NEDD4L: variants seen among roughly 807,000 people sequenced by gnomAD.
NEDD4L encodes the protein NEDD4 like E3 ubiquitin protein ligase.
In NEDD4L, 54 loss-of-function variants were observed where a neutral mutation model predicts 148.9. That is an observed-to-expected ratio of 0.36 (90% CI 0.29 to 0.45). NEDD4L has a LOEUF of 0.45. Ranked by LOEUF, NEDD4L falls within the 20% of genes least tolerant of loss-of-function variation. NEDD4L has a pLI of 1.00. For synonymous variants in NEDD4L, 433 were observed against 440.7 expected, an observed-to-expected ratio of 0.98 and a Z score of 0.22; for missense variants, 856 against 1,233.8, an observed-to-expected ratio of 0.69 and a Z score of 4.59.
chr18:58,127,979 C>T (rs1374823693), intron 1 of NEDD4L, among the ~76,000 whole-genome samples: 1 of 151,896 alleles, frequency 6.6e-6, no homozygotes, highest in East Asian at 2.0e-4. Context: ...GATTCTTGTG[C>T]CTCAGCCCAG....
Position 58,073,217 on chromosome 18 carries a change from C to CT in NEDD4L, c.48+28519dup, listed in dbSNP as rs932657813. 4.5e-4 allele frequency among the ~76,000 whole-genome samples: 67 copies of CT among 148,506 alleles called. No individual in the cohort carries two copies. The East Asian group carries it at 5.3e-3, about 12-fold the overall frequency. ...GCAATACCTACAAAATCCCAGCTGGCTTTTTTTTTTCTCAGAAATTAACAA... is the reference window on the plus strand; with the variant it reads ...GCAATACCTACAAAATCCCAGCTGGCTTTTTTTTTTTCTCAGAAATTAACAA... On this transcript the variant is annotated intron_variant, in intron 1 of 30. Transcript: ENST00000400345.
At chr18:58,321,850 C>T (rs1484444928) in intron 6 of NEDD4L, among the ~76,000 whole-genome samples, 1 of 152,172 alleles carries the variant, frequency 6.6e-6, no homozygotes, top group Non-Finnish European at 1.5e-5. Context: ...CAAATGAACA[C>T]TGATTTCTTT....
Position 58,366,319 on chromosome 18 carries a change from G to A in NEDD4L, c.2063+91G>A, listed in dbSNP as rs188049149. On this transcript the variant is annotated intron_variant, in intron 21 of 30. Coordinates refer to ENST00000400345, the MANE Select transcript of NEDD4L (RefSeq NM_001144967.3). The surrounding 1 kb of genome is among the most constrained non-coding windows in gnomAD (Gnocchi z 4.2). The stretch of plus-strand genomic sequence containing the variant: ...GAAAGGATAAGCAGCTCATGAGTTC[G>A]AGATGCATTAACTCTGCTGAGTTTG... 2.1e-4 allele frequency: 190 copies of A among 897,690 alleles called. 1 individual carries two copies. The South Asian group carries it at 2.4e-3, about 11-fold the overall frequency. The allele number at this position is 897,690 out of a possible 1,614,324, so 55.6% of individuals were successfully genotyped here.
At chr18:58,375,010 T>C (rs1248609180) in intron 24 of NEDD4L, among the ~76,000 whole-genome samples, 1 of 152,152 alleles carries the variant, frequency 6.6e-6, no homozygotes, top group African/African-American at 2.4e-5. Context: ...CGGGTCCCAG[T>C]GCTAAAGCCA....
Position 58,391,521 on chromosome 18 carries a change from A to G in NEDD4L, c.2787A>G (p.Gln929=). ...SNGPQLFTIE[Q]WGSPEKLPRA... ...GTCCTCAGCTGTTTACAATAGAGCAATGGGGCAGTCCTGAGAAACTGCCCA... is the reference window on the plus strand; with the variant it reads ...GTCCTCAGCTGTTTACAATAGAGCAGTGGGGCAGTCCTGAGAAACTGCCCA... Residue 929 remains glutamine (Q), a synonymous_variant, in exon 30 of 31, where the codon CAA becomes CAG. Coordinates refer to ENST00000400345, the MANE Select transcript of NEDD4L (RefSeq NM_001144967.3). The G allele has an allele frequency of 3.8e-6, 6 of 1,583,740 alleles. No individual in the cohort carries two copies. Among genetic ancestry groups the G allele is most frequent in the South Asian group, 2.3e-5 (2 of 86,334 alleles).
intron 2 of NEDD4L, among the ~76,000 whole-genome samples, chr18:58,223,347 A>T (rs752535777): frequency 2.0e-4 from 31 of 152,218 alleles, no homozygotes; most frequent in Non-Finnish European, 3.7e-4. Flanking sequence ...TAATGAAAAG[A>T]TATAAAATGA....
At chr18:58,090,158 G>T (rs987468828) in intron 1 of NEDD4L, among the ~76,000 whole-genome samples, 1 of 151,994 alleles carries the variant, frequency 6.6e-6, no homozygotes, top group African/African-American at 2.4e-5. Flanking sequence ...TTTCTTAGAG[G>T]GTGGGCTTTA....
chr18:58,263,660 C>CTTTTTTTTTTTTTTTTTTTTT (rs71173041), intron 5 of NEDD4L, among the ~76,000 whole-genome samples: 1 of 103,724 alleles, frequency 9.6e-6, no homozygotes. Flanking sequence ...ACTTCTTAGG[C>CTTTTTTTTTTTTTTTTTTTTT]TTTTTTTTTT....
intron 5 of NEDD4L, among the ~76,000 whole-genome samples, chr18:58,293,145 G>A (rs2055011436): frequency 6.6e-6 from 1 of 152,204 alleles, no homozygotes; most frequent in Non-Finnish European, 1.5e-5. Context: ...GTATAATACA[G>A]AGCAAACTTG....
chr18:58,140,480 T>C (rs1324197558), intron 1 of NEDD4L, among the ~76,000 whole-genome samples: 2 of 152,066 alleles, frequency 1.3e-5, no homozygotes, highest in Admixed American at 1.3e-4. Context: ...TGTCCATTTC[T>C]GAGTGGAGGA....
At chr18:58,388,792 C>T (rs144317701) in intron 27 of NEDD4L, 83 of 384,818 alleles carry the variant, frequency 2.2e-4, no homozygotes, top group African/African-American at 1.6e-3. Flanking sequence ...TCCACAGGTC[C>T]CATGCGTAAG....
chr18:58,341,877 G>A (rs2042471975), intron 15 of NEDD4L, 80 bp downstream of exon 15: 3 of 1,499,374 alleles, frequency 2.0e-6, no homozygotes, highest in Admixed American at 1.9e-5. Flanking sequence ...TCTGCCTTCA[G>A]TTTCGCAGCC....
chr18:58,191,324 T>C (rs1478760464), intron 2 of NEDD4L, among the ~76,000 whole-genome samples: 2 of 152,220 alleles, frequency 1.3e-5, no homozygotes, highest in Non-Finnish European at 2.9e-5. Flanking sequence ...CTATTTGACA[T>C]GCTTTATTGC....
chr18:58,214,800 A>ATTTTTTTTT (rs60043101), intron 2 of NEDD4L, among the ~76,000 whole-genome samples: 2 of 123,360 alleles, frequency 1.6e-5, no homozygotes, highest in Admixed American at 8.5e-5. Context: ...TCTTTCTTTC[A>ATTTTTTTTT]TTTTTTTTTT....
At chr18:58,307,323 A>T (rs1355676698) in intron 5 of NEDD4L, among the ~76,000 whole-genome samples, 1 of 152,100 alleles carries the variant, frequency 6.6e-6, no homozygotes, top group African/African-American at 2.4e-5. Context: ...CTTGGTGGAG[A>T]GTTCCTGCTT....
intron 1 of NEDD4L, among the ~76,000 whole-genome samples, chr18:58,122,308 T>G (rs1393943813): frequency 1.3e-5 from 2 of 152,194 alleles, no homozygotes; most frequent in Non-Finnish European, 2.9e-5. Flanking sequence ...GAGACCAGTC[T>G]GGCCAACACG....
intron 13 of NEDD4L, among the ~76,000 whole-genome samples, chr18:58,336,457 G>T (rs2041780292): frequency 6.6e-6 from 1 of 151,822 alleles, no homozygotes. Flanking sequence ...AGCACCTGTA[G>T]TCCCAGCTAC....
chr18:58,234,741 A>G (rs158869), intron 2 of NEDD4L, among the ~76,000 whole-genome samples: 99,820 of 151,924 alleles, frequency 0.66, 33,581 homozygotes, highest in East Asian at 0.88. Context: ...TAGAGAATGG[A>G]TCAAGACGAG....
Position 58,348,069 on chromosome 18 carries a change from G to A in NEDD4L, c.1576-1468G>A, listed in dbSNP as rs576059941. Among the ~76,000 whole-genome samples, 20 of 151,652 alleles carry A rather than the reference G, an allele frequency of 1.3e-4. No individual in the cohort carries two copies. In the East Asian group the frequency reaches 3.5e-3, roughly 27 times the overall value. On this transcript the variant is annotated intron_variant, in intron 16 of 30. Coordinates refer to ENST00000400345, the MANE Select transcript of NEDD4L (RefSeq NM_001144967.3). ...GTACAATGGCACAATCACAGTTTAC[G>A]GCTCACTGCAGCCTTGACCTCCTAG...
Sources: allele counts gnomAD v4.1 joint callset (sites outside exome capture counted in the v4.1 genomes callset), GRCh38; gene constraint gnomAD v4.1.1; non-coding constraint Gnocchi (gnomAD v3.1); transcripts MANE v1.5; gene names NCBI Gene and HGNC (gene_info 2026-07-23, HGNC 2026-07-21).